The following GALNTL6 variants were observed in gnomAD, a reference collection of about 807,000 sequenced individuals.
GALNTL6 encodes polypeptide N-acetylgalactosaminyltransferase-like 6.
A neutral mutation model predicts 73.7 loss-of-function variants in GALNTL6; 46 were observed. That is an observed-to-expected ratio of 0.62 (90% CI 0.49 to 0.80). The LOEUF (loss-of-function observed/expected upper bound fraction) is 0.80. GALNTL6 is among the 30% of genes least tolerant of loss of function. The pLI, the probability that GALNTL6 is intolerant of heterozygous loss-of-function variation, is 0.00. For synonymous variants in GALNTL6, 259 were observed against 263.7 expected (o/e 0.98, Z 0.17); for missense variants, 604 against 755.0 (o/e 0.80, Z 2.34).
chr4:172,527,205 T>A (rs80342532), intron 5 of GALNTL6, among the ~76,000 whole-genome samples: 1 of 152,154 alleles, frequency 6.6e-6, no homozygotes, highest in African/African-American at 2.4e-5. Flanking sequence ...CTAACAAAGA[T>A]AACTTTTGCA....
chr4:172,227,613 C>T (rs371611826), intron 2 of GALNTL6, among the ~76,000 whole-genome samples: 1 of 152,026 alleles, frequency 6.6e-6, no homozygotes, highest in Admixed American at 6.5e-5. Flanking sequence ...TTGAAAATTC[C>T]GTGCCATAAA....
intron 2 of GALNTL6, among the ~76,000 whole-genome samples, chr4:172,177,812 T>G (rs1441125395): frequency 2.3e-5 from 3 of 129,246 alleles, no homozygotes; most frequent in African/African-American, 1.2e-4. Context: ...CACACATATA[T>G]GTGTGTGTAT....
intron 5 of GALNTL6, among the ~76,000 whole-genome samples, chr4:172,405,431 ATATATATATATATTTTTTTTTTTT>A (rs1388231007): frequency 8.8e-3 from 38 of 4,316 alleles, no homozygotes; most frequent in African/African-American, 0.017. Flanking sequence ...ATATATATAT[ATATATATATATATTTTTTTTTTTT>A]TTTTTTTTTT....
intron 5 of GALNTL6, among the ~76,000 whole-genome samples, chr4:172,672,392 T>C (rs1319179176): frequency 1.3e-5 from 2 of 152,234 alleles, no homozygotes; most frequent in Non-Finnish European, 2.9e-5. Flanking sequence ...TTTTGATAGA[T>C]AACCTGCTGG....
intron 2 of GALNTL6, among the ~76,000 whole-genome samples, chr4:172,133,353 G>A (rs1185567861): frequency 1.3e-5 from 2 of 152,250 alleles, no homozygotes; most frequent in East Asian, 3.9e-4. Flanking sequence ...ATTTCAAGTT[G>A]TTCCATCTAT....
chr4:172,074,626 G>T (rs2110908962), intron 2 of GALNTL6, among the ~76,000 whole-genome samples: 1 of 152,110 alleles, frequency 6.6e-6, no homozygotes, highest in South Asian at 2.1e-4. Context: ...TCAAATAATG[G>T]ATCCAGGCAC....
intron 5 of GALNTL6, among the ~76,000 whole-genome samples, chr4:172,393,694 G>T (rs2111307911): frequency 6.6e-6 from 1 of 152,294 alleles, no homozygotes; most frequent in Admixed American, 6.5e-5. Flanking sequence ...CAGTGATCCT[G>T]TTGTGTTCAA....
chr4:173,040,375 T>C lies in GALNTL6; in HGVS notation c.*275T>C. ...TTTAGGGACTTTTCAAAACAACTGCTGAGCTAATAAATCCTAGCATTTCTC... is the reference window on the plus strand; with the variant it reads ...TTTAGGGACTTTTCAAAACAACTGCCGAGCTAATAAATCCTAGCATTTCTC... On this transcript the variant is annotated 3_prime_UTR_variant, in exon 13 of 13. Transcript: ENST00000506823. The C allele has an allele frequency of 2.5e-6, 1 of 396,592 alleles. No individual in the cohort carries two copies. Among genetic ancestry groups the C allele is most frequent in the Non-Finnish European group, 4.5e-6 (1 of 221,352 alleles). 24.6% of individuals were successfully genotyped at this position (396,592 alleles called of 1,614,324 possible). A position where few individuals can be genotyped will look rare whatever the true frequency, so the allele number is the denominator to read the frequency against.
intron 10 of GALNTL6, among the ~76,000 whole-genome samples, chr4:172,962,163 C>A (rs1001164517): frequency 3.3e-5 from 5 of 152,180 alleles, no homozygotes; most frequent in South Asian, 2.1e-4. Flanking sequence ...TGAATTTCAC[C>A]AGGTAATGTC....
intron 5 of GALNTL6, among the ~76,000 whole-genome samples, chr4:172,401,188 ACACACACATG>A (rs1312538812): frequency 6.6e-6 from 1 of 152,168 alleles, no homozygotes; most frequent in Non-Finnish European, 1.5e-5. Flanking sequence ...TATGAAACAT[ACACACACATG>A]CACACACATA....
chr4:172,303,755 C>T (rs1740023524), intron 3 of GALNTL6, among the ~76,000 whole-genome samples: 1 of 152,140 alleles, frequency 6.6e-6, no homozygotes, highest in Non-Finnish European at 1.5e-5. Flanking sequence ...TCCTTATGTA[C>T]ATTAGAGCTC....
intron 2 of GALNTL6, among the ~76,000 whole-genome samples, chr4:172,156,540 A>ATGT (rs58197299): frequency 8.0e-6 from 1 of 125,186 alleles, no homozygotes; most frequent in African/African-American, 3.4e-5. Flanking sequence ...ATATATATAT[A>ATGT]ATATATATAT....
chr4:172,815,078 A>T (rs1312295282), intron 7 of GALNTL6, among the ~76,000 whole-genome samples: 1 of 152,202 alleles, frequency 6.6e-6, no homozygotes, highest in Non-Finnish European at 1.5e-5. Context: ...AAGTGAGCTT[A>T]GCTGAGAGAT....
rs76322286 is a variant in GALNTL6, at chr4:172,011,347, A to C, written c.138+196629A>C. On this transcript the variant is annotated intron_variant, in intron 2 of 12. Transcript: ENST00000506823. The stretch of plus-strand genomic sequence containing the variant: ...CTTTAATGTTAGCTTGAAAGGATTA[A>C]GGCTTAGTAATAGAAAACAGGAAGG... 1.0e-2 allele frequency among the ~76,000 whole-genome samples: 1,520 copies of C among 152,198 alleles called. 58 individuals are homozygous for C. In the East Asian group the frequency reaches 0.14, roughly 14 times the overall value.
At chr4:172,771,601 C>G (rs1258643265) in intron 5 of GALNTL6, among the ~76,000 whole-genome samples, 1 of 152,192 alleles carries the variant, frequency 6.6e-6, no homozygotes, top group Non-Finnish European at 1.5e-5. Context: ...TAACCACGTA[C>G]TTTGAATCAT....
At position 172,206,775 on chromosome 4, in the gene GALNTL6, G is replaced by GTT. The variant is rs1214874685; in HGVS notation, c.139-22876_139-22875dup. The stretch of plus-strand genomic sequence containing the variant: ...ATGCATATCAGAGCAGATGAAACGT[G>GTT]TTTTTTGTTTTGTTTTGTTTTGTTT... On this transcript the variant is annotated intron_variant, in intron 2 of 12. Coordinates refer to ENST00000506823, the MANE Select transcript of GALNTL6 (RefSeq NM_001034845.3). Among the ~76,000 whole-genome samples, 28 of 79,778 alleles carry GTT rather than the reference G, an allele frequency of 3.5e-4. 6 individuals are homozygous for GTT. The highest frequency in any genetic ancestry group is 2.4e-3 in the East Asian group (2 of 820). The allele number at this position is 79,778 out of a possible 152,430, so 52.3% of individuals were successfully genotyped here.
chr4:172,295,714 C>T (rs960233117), intron 3 of GALNTL6, among the ~76,000 whole-genome samples: 1 of 151,344 alleles, frequency 6.6e-6, no homozygotes, highest in Non-Finnish European at 1.5e-5. Flanking sequence ...CTATATACAA[C>T]ACTCCCCCTC....
intron 7 of GALNTL6, among the ~76,000 whole-genome samples, chr4:172,844,015 T>C (rs1279598550): frequency 6.6e-6 from 1 of 152,176 alleles, no homozygotes; most frequent in African/African-American, 2.4e-5. Context: ...GCTGAGATCA[T>C]GTCACTGCAC....
At chr4:172,975,540 C>G (rs1235888206) in intron 10 of GALNTL6, among the ~76,000 whole-genome samples, 1 of 152,166 alleles carries the variant, frequency 6.6e-6, no homozygotes, top group Non-Finnish European at 1.5e-5. Context: ...GAACTGACAG[C>G]CTGGCCACCA....
Sources: allele counts gnomAD v4.1 joint callset (sites outside exome capture counted in the v4.1 genomes callset), GRCh38; gene constraint gnomAD v4.1.1; transcripts MANE v1.5; gene names NCBI Gene and HGNC (gene_info 2026-07-23, HGNC 2026-07-21).